TPD52L1: variants seen among roughly 807,000 people sequenced by gnomAD.
TPD52L1 encodes TPD52 like 1.
In TPD52L1, 18 loss-of-function variants were observed where a neutral mutation model predicts 28.7. That is an observed-to-expected ratio of 0.63 (90% CI 0.43 to 0.93). TPD52L1 has a LOEUF of 0.93. TPD52L1 is among the 40% of genes least tolerant of loss of function. The probability of loss-of-function intolerance (pLI) is 0.00; values close to 1 mark genes in which losing one functional copy is unlikely to be tolerated. For synonymous variants in TPD52L1, 75 were observed against 88.8 expected, an observed-to-expected ratio of 0.84 and a Z score of 0.88; for missense variants, 203 against 254.8, an observed-to-expected ratio of 0.80 and a Z score of 1.39.
intron 4 of TPD52L1, among the ~76,000 whole-genome samples, chr6:125,250,478 G>A (rs546132223): frequency 6.6e-6 from 1 of 152,302 alleles, no homozygotes; most frequent in South Asian, 2.1e-4. Flanking sequence ...TATAAAAGTA[G>A]CAGAAGAAAG....
intron 5 of TPD52L1, 76 bp downstream of exon 5, chr6:125,253,831 T>C (rs80086479): frequency 1.5e-6 from 2 of 1,347,190 alleles, no homozygotes; most frequent in East Asian, 2.3e-5. Flanking sequence ...TATTTACTTA[T>C]GGGGTTCCTC....
intron 1 of TPD52L1, among the ~76,000 whole-genome samples, chr6:125,178,274 A>T (rs1791940247): frequency 6.6e-6 from 1 of 152,214 alleles, no homozygotes; most frequent in Non-Finnish European, 1.5e-5. Context: ...AAAAATTTCT[A>T]TTCTTGTGAG....
chr6:125,177,935 A>T (rs1791922379), intron 1 of TPD52L1, among the ~76,000 whole-genome samples: 1 of 152,210 alleles, frequency 6.6e-6, no homozygotes, highest in African/African-American at 2.4e-5. Context: ...TTATAAATTT[A>T]AAAGCTAAGT....
chr6:125,195,352 C>T (rs1026654375), intron 1 of TPD52L1, among the ~76,000 whole-genome samples: 2 of 152,176 alleles, frequency 1.3e-5, no homozygotes, highest in South Asian at 2.1e-4. Context: ...AGATCACAAT[C>T]ACATCTCTCT....
chr6:125,172,123 T>C (rs576353064), intron 1 of TPD52L1, among the ~76,000 whole-genome samples: 15 of 66,824 alleles, frequency 2.2e-4, no homozygotes, highest in African/African-American at 1.2e-3. Context: ...TTTCTTTCTT[T>C]CTTTCTTTCT....
chr6:125,226,995 T>G (rs1301993699), intron 2 of TPD52L1, among the ~76,000 whole-genome samples: 6 of 152,182 alleles, frequency 3.9e-5, no homozygotes, highest in African/African-American at 1.4e-4. Context: ...CCTTTTACAG[T>G]AATCAGTGTA....
chr6:125,264,089 A>T lies in TPD52L1; in HGVS notation c.*1127A>T, dbSNP rs1042230909. 4 of 152,214 alleles carry T rather than the reference A, an allele frequency of 2.6e-5. No homozygotes were observed. The highest frequency in any genetic ancestry group is 9.6e-5 in the African/African-American group (4 of 41,452). The allele number at this position is 152,214 out of a possible 1,614,324, so 9.4% of individuals were successfully genotyped here. Reference sequence around the variant, plus strand: ...ACCCCTTTCAGTTTGTAAATTGTTCACATGTATGAAAATAACTGGTATTTA... The same window carrying T: ...ACCCCTTTCAGTTTGTAAATTGTTCTCATGTATGAAAATAACTGGTATTTA... On this transcript the variant is annotated 3_prime_UTR_variant, in exon 7 of 7. Coordinates refer to ENST00000534000, the MANE Select transcript of TPD52L1 (RefSeq NM_003287.4).
intron 1 of TPD52L1, among the ~76,000 whole-genome samples, chr6:125,165,359 G>A (rs986910686): frequency 2.0e-5 from 3 of 152,018 alleles, no homozygotes; most frequent in Non-Finnish European, 2.9e-5. Context: ...ATTTGAAATG[G>A]CTAAAAGGAA....
intron 6 of TPD52L1, chr6:125,261,018 GAAAAGAAAAGAAAGAAAGAAAGAA>G (rs1562411994): frequency 0.018 from 791 of 43,008 alleles, 37 homozygotes; most frequent in African/African-American, 0.11. Flanking sequence ...AAGAAAGAAA[GAAAAGAAAAGAAAGAAAGAAAGAA>G]AGAAAGAAAA....
chr6:125,183,306 T>C (rs1260631648), intron 1 of TPD52L1, among the ~76,000 whole-genome samples: 1 of 152,076 alleles, frequency 6.6e-6, no homozygotes, highest in Non-Finnish European at 1.5e-5. Context: ...GGCAAAACCC[T>C]GTCTCTATTA....
Position 125,196,846 on chromosome 6 carries a change from G to A in TPD52L1, c.20-23232G>A, listed in dbSNP as rs77119723. On this transcript the variant is annotated intron_variant, in intron 1 of 6. Transcript: ENST00000534000. The stretch of plus-strand genomic sequence containing the variant: ...AGCGTGAATAAGAATCTTGCTCAGA[G>A]CCAATTAGTTGCAGATCCAGCATTG... Among the ~76,000 whole-genome samples, 334 of 152,230 alleles carry A rather than the reference G, an allele frequency of 2.2e-3. 1 individual carries two copies. The highest frequency in any genetic ancestry group is 4.1e-3 in the Non-Finnish European group (276 of 68,012).
intron 6 of TPD52L1, chr6:125,260,480 C>T (rs1797849283): frequency 6.6e-6 from 1 of 152,196 alleles, no homozygotes; most frequent in African/African-American, 2.4e-5. Context: ...CATAAGTTCA[C>T]ATTTCAGTGT....
chr6:125,199,374 AT>A, intron 1 of TPD52L1, among the ~76,000 whole-genome samples: 1 of 152,238 alleles, frequency 6.6e-6, no homozygotes. Flanking sequence ...TACAGAGATA[AT>A]TATTTTCAGT....
chr6:125,195,573 C>G (rs527348081), intron 1 of TPD52L1, among the ~76,000 whole-genome samples: 1 of 152,182 alleles, frequency 6.6e-6, no homozygotes, highest in East Asian at 1.9e-4. Context: ...GGAAAAGGCA[C>G]TTACGTGAAA....
intron 3 of TPD52L1, among the ~76,000 whole-genome samples, chr6:125,237,271 G>A (rs1275437356): frequency 1.3e-5 from 2 of 152,182 alleles, no homozygotes; most frequent in African/African-American, 4.8e-5. Flanking sequence ...AAAAGGGACT[G>A]TAGAAGGATA....
At chr6:125,253,512 C>A in intron 4 of TPD52L1, 1 of 566,962 alleles carries the variant, frequency 1.8e-6, no homozygotes, top group Non-Finnish European at 3.1e-6. Context: ...CACGGATCCA[C>A]CATCTACTTT....
chr6:125,261,998 C>A (rs890135183), intron 6 of TPD52L1: 3 of 152,168 alleles, frequency 2.0e-5, no homozygotes, highest in Non-Finnish European at 4.4e-5. Context: ...AGGAAACTTA[C>A]AATCATGGCA....
rs188045315 is a variant in TPD52L1, at chr6:125,230,143, A to G, written c.284+877A>G. ...TGCCATTATCGTCCTGTCTTGTGCT[A>G]GGTAAGGTACAGAATAATCTCAGTT... On this transcript the variant is annotated intron_variant, in intron 3 of 6. Coordinates refer to ENST00000534000, the MANE Select transcript of TPD52L1 (RefSeq NM_003287.4). Among the ~76,000 whole-genome samples, 268 of 152,308 alleles carry G rather than the reference A, an allele frequency of 1.8e-3. 3 individuals are homozygous for G. The highest frequency in any genetic ancestry group is 6.0e-4 in the Non-Finnish European group (41 of 68,020).
At chr6:125,222,002 A>G (rs1384391177) in intron 2 of TPD52L1, 1 of 152,182 alleles carries the variant, frequency 6.6e-6, no homozygotes, top group Non-Finnish European at 1.5e-5. Context: ...AAGCAGAGAA[A>G]GTGTATCTTT....
Sources: gnomAD v4.1 joint callset for allele counts (sites outside exome capture counted in the v4.1 genomes callset) on GRCh38, gnomAD v4.1.1 for gene constraint, MANE v1.5 for transcripts, NCBI Gene and HGNC (gene_info 2026-07-23, HGNC 2026-07-21) for gene names.